The following DOCK10 variants were observed in gnomAD, a reference collection of about 807,000 sequenced individuals.
DOCK10 encodes the protein dedicator of cytokinesis 10.
DOCK10 carries 145 observed loss-of-function variants against 280.1 expected under a neutral mutation model. That is an observed-to-expected ratio of 0.52 (90% CI 0.45 to 0.59). DOCK10 has a LOEUF of 0.59. DOCK10 is among the 20% of genes least tolerant of loss of function. The pLI, the probability that DOCK10 is intolerant of heterozygous loss-of-function variation, is 0.00. For synonymous variants in DOCK10, 915 were observed against 942.2 expected (o/e 0.97, Z 0.53); for missense variants, 2,368 against 2,651.7 (o/e 0.89, Z 2.35).
intron 1 of DOCK10, among the ~76,000 whole-genome samples, chr2:225,023,167 C>A (rs1689828061): frequency 6.6e-6 from 1 of 151,970 alleles, no homozygotes. Flanking sequence ...TCCCGAGTAG[C>A]TGGAATTACA....
intron 1 of DOCK10, among the ~76,000 whole-genome samples, chr2:224,967,173 G>A (rs1704807389): frequency 6.7e-6 from 1 of 149,874 alleles, no homozygotes; most frequent in Non-Finnish European, 1.5e-5. Context: ...TCCACCTCCC[G>A]GGTTCACGCC....
intron 3 of DOCK10, among the ~76,000 whole-genome samples, chr2:224,911,528 TG>T (rs920403441): frequency 1.9e-4 from 29 of 152,204 alleles, no homozygotes; most frequent in African/African-American, 7.0e-4. Context: ...ATCTAGAGAT[TG>T]GGGGTGAAGG....
intron 51 of DOCK10, 67 bp downstream of exon 51, chr2:224,778,071 A>C: frequency 6.8e-7 from 1 of 1,465,130 alleles, no homozygotes; most frequent in South Asian, 1.2e-5. Context: ...ATGAAAACTT[A>C]ATGTAGTTAA....
intron 34 of DOCK10, 32 bp downstream of exon 34, chr2:224,806,094 A>G: frequency 7.5e-7 from 1 of 1,331,000 alleles, no homozygotes. Context: ...GATGAGTGTT[A>G]AAAATAAGTG....
chr2:224,775,425 A>G (rs1690774899), intron 51 of DOCK10, among the ~76,000 whole-genome samples: 1 of 152,088 alleles, frequency 6.6e-6, no homozygotes, highest in Non-Finnish European at 1.5e-5. Context: ...ATGAATGTTC[A>G]ATCGCCTTTG....
Position 225,035,542 on chromosome 2 carries a change from TTATATATATATATATATA to T in DOCK10, c.123+6692_123+6709del, listed in dbSNP as rs57424275. On this transcript the variant is annotated intron_variant, in intron 1 of 55. Coordinates refer to ENST00000258390, the MANE Select transcript of DOCK10 (RefSeq NM_014689.3). ...TAGATCTTATATGATATGATATATA[TTATATATATATATATATA>T]TATATATATATATATATATATATAT... 1.7e-3 allele frequency among the ~76,000 whole-genome samples: 83 copies of T among 50,016 alleles called. 6 individuals are homozygous for T. The highest frequency in any genetic ancestry group is 4.2e-3 in the South Asian group (5 of 1,194). 32.8% of individuals were successfully genotyped at this position (50,016 alleles called of 152,430 possible).
intron 11 of DOCK10, among the ~76,000 whole-genome samples, chr2:224,866,780 C>T (rs544744123): frequency 6.6e-5 from 10 of 152,164 alleles, no homozygotes; most frequent in South Asian, 2.1e-4. Context: ...TTTGCTCTTA[C>T]GATAATTAGT....
intron 2 of DOCK10, among the ~76,000 whole-genome samples, chr2:224,920,044 A>G (rs1559763649): frequency 6.6e-6 from 1 of 152,040 alleles, no homozygotes; most frequent in Non-Finnish European, 1.5e-5. Flanking sequence ...GATAGAGCCA[A>G]TTTGGATCTT....
In DOCK10 at chr2:224,765,686, G is replaced by A. The variant is rs1039070291; in HGVS notation, c.*35C>T. 3 of 1,412,076 alleles carry A rather than the reference G, an allele frequency of 2.1e-6. No homozygotes were observed. Among genetic ancestry groups the A allele is most frequent in the East Asian group, 2.4e-5 (1 of 42,444 alleles). 87.5% of individuals were successfully genotyped at this position (1,412,076 alleles called of 1,614,324 possible). A position where few individuals can be genotyped will look rare whatever the true frequency, so the allele number is the denominator to read the frequency against. ...CCGAGATTAGCTGCAAATTCAGAAA[G>A]TTCTCTTAGAGGTGGGTCTGATGCT... On this transcript the variant is annotated 3_prime_UTR_variant, in exon 56 of 56. Transcript: ENST00000258390.
intron 51 of DOCK10, among the ~76,000 whole-genome samples, chr2:224,775,648 G>A (rs1690798599): frequency 6.6e-6 from 1 of 151,962 alleles, no homozygotes. Context: ...GCTAATTTTT[G>A]TAGTTTTAGT....
At chr2:224,880,047 G>T (rs775792430) in intron 7 of DOCK10, among the ~76,000 whole-genome samples, 2 of 152,014 alleles carry the variant, frequency 1.3e-5, no homozygotes, top group Non-Finnish European at 2.9e-5. Flanking sequence ...TGAAGATGCC[G>T]AACACTAACA....
At chr2:224,962,100 T>G (rs543745808) in intron 1 of DOCK10, among the ~76,000 whole-genome samples, 1 of 152,336 alleles carries the variant, frequency 6.6e-6, no homozygotes, top group East Asian at 1.9e-4. Context: ...TCTGTCCCAA[T>G]TTTGGTCTGT....
At chr2:225,000,231 C>T (rs1045540745) in intron 1 of DOCK10, among the ~76,000 whole-genome samples, 7 of 151,636 alleles carry the variant, frequency 4.6e-5, no homozygotes, top group Non-Finnish European at 8.9e-5. Flanking sequence ...CACAGACACA[C>T]ACACACACAC....
At chr2:225,040,658 A>G (rs941018962) in intron 1 of DOCK10, among the ~76,000 whole-genome samples, 16 of 152,084 alleles carry the variant, frequency 1.1e-4, no homozygotes, top group Non-Finnish European at 2.4e-4. Flanking sequence ...GTTTATTCCA[A>G]TTGAACGCTG....
rs773825896 is a variant in DOCK10, at chr2:224,845,534, C to T, written c.2344G>A (p.Ala782Thr). The part of the protein sequence containing the change: ...NAKANAKKKE[A>T]LETSVGYAWL... The stretch of plus-strand genomic sequence containing the variant: ...CTGGCAGTACCTGACGTTTCCAGAG[C>T]CTCCTTCTTTTTGGCATTAGCTTTT... Residue 782 changes from alanine to threonine, a missense_variant, in exon 20 of 56, where the codon GCT becomes ACT. Physicochemically the swap from Ala to Thr is moderately conservative, Grantham distance 58. Around this residue, in one of 2 missense-constraint regions of DOCK10, gnomAD observed 1,209 missense variants for 1,250.9 expected, o/e 0.97. Coordinates refer to ENST00000258390, the MANE Select transcript of DOCK10 (RefSeq NM_014689.3). The T allele has an allele frequency of 2.5e-6, 4 of 1,612,182 alleles. No individual in the cohort carries two copies. The highest frequency in any genetic ancestry group is 3.4e-6 in the Non-Finnish European group (4 of 1,179,490).
intron 29 of DOCK10, among the ~76,000 whole-genome samples, chr2:224,817,551 A>G (rs1416392690): frequency 6.6e-6 from 1 of 152,240 alleles, no homozygotes; most frequent in African/African-American, 2.4e-5. Flanking sequence ...TATTTGACTT[A>G]AACCTTTGTA....
intron 50 of DOCK10, among the ~76,000 whole-genome samples, chr2:224,782,757 C>T (rs933748212): frequency 1.3e-5 from 2 of 152,052 alleles, no homozygotes; most frequent in African/African-American, 2.4e-5. Context: ...AAAATTGTAC[C>T]CAAAGGCCTT....
chr2:225,034,478 C>T (rs930313484), intron 1 of DOCK10, among the ~76,000 whole-genome samples: 13 of 152,206 alleles, frequency 8.5e-5, no homozygotes, highest in African/African-American at 3.1e-4. Context: ...CCAAGATTTA[C>T]AAGTAGACTA....
chr2:224,768,016 C>T (rs547025543), intron 55 of DOCK10, among the ~76,000 whole-genome samples: 6 of 151,902 alleles, frequency 3.9e-5, no homozygotes, highest in African/African-American at 7.2e-5. Context: ...TGAGTTCAAG[C>T]GATTCTCCTG....
Sources: gnomAD v4.1 joint callset for allele counts (sites outside exome capture counted in the v4.1 genomes callset) on GRCh38, gnomAD v4.1.1 for gene constraint, gnomAD v4.1.1 regional missense constraint, MANE v1.5 for transcripts, NCBI Gene and HGNC (gene_info 2026-07-23, HGNC 2026-07-21) for gene names.